Variants in SEMA6D observed in about 807,000 individuals in gnomAD.
The protein encoded by SEMA6D is semaphorin-6D.
SEMA6D carries 35 observed loss-of-function variants against 106.6 expected under a neutral mutation model. The observed-to-expected ratio is 0.33, with a 90% CI of 0.25 to 0.44. The LOEUF is 0.44. Ranked by LOEUF, SEMA6D falls within the 20% of genes least tolerant of loss-of-function variation. The probability of loss-of-function intolerance (pLI) is 1.00; values close to 1 mark genes in which losing one functional copy is unlikely to be tolerated. For synonymous variants in SEMA6D, 499 were observed against 487.7 expected (o/e 1.02, Z -0.31); for missense variants, 1,185 against 1,345.9 (o/e 0.88, Z 1.87).
intron 4 of SEMA6D, among the ~76,000 whole-genome samples, chr15:47,637,863 A>G: frequency 6.6e-6 from 1 of 152,140 alleles, no homozygotes; most frequent in East Asian, 1.9e-4. Flanking sequence ...AAAGTTAAGG[A>G]GCCACTTGAC....
chr15:47,393,465 C>T (rs569003590), intron 1 of SEMA6D: 1 of 152,348 alleles, frequency 6.6e-6, no homozygotes, highest in East Asian at 1.9e-4. Flanking sequence ...CTAAAAGCCT[C>T]ATTCCTACAA....
intron 1 of SEMA6D, among the ~76,000 whole-genome samples, chr15:47,353,199 A>T (rs145578559): frequency 2.0e-5 from 3 of 152,216 alleles, no homozygotes; most frequent in Non-Finnish European, 4.4e-5. Flanking sequence ...TATGATGGTG[A>T]ATTACACTGA....
intron 4 of SEMA6D, among the ~76,000 whole-genome samples, chr15:47,602,499 G>A (rs1173424073): frequency 3.3e-5 from 5 of 151,916 alleles, no homozygotes; most frequent in Admixed American, 2.6e-4. Context: ...ATGCTGGGAG[G>A]GGGGCTTGTG....
intron 4 of SEMA6D, among the ~76,000 whole-genome samples, chr15:47,625,892 TACGATCACTTTCATAATCCTA>T (rs1457797382): frequency 6.6e-6 from 1 of 152,110 alleles, no homozygotes; most frequent in Admixed American, 6.6e-5. Flanking sequence ...TGTATTCCAA[TACGATCACTTTCATAATCCTA>T]AAGTAACCAT....
chr15:47,330,848 G>A (rs1249326145), intron 1 of SEMA6D, among the ~76,000 whole-genome samples: 3 of 152,168 alleles, frequency 2.0e-5, no homozygotes, highest in Non-Finnish European at 4.4e-5. Context: ...ACAAGAGTGT[G>A]AGAGTCGCTG....
rs958746366 is a variant in SEMA6D at position 47,559,461 on chromosome 15, C to T, written c.-86-41404C>T. 3.9e-5 allele frequency among the ~76,000 whole-genome samples: 6 copies of T among 152,060 alleles called. No individual in the cohort carries two copies. The East Asian group carries it at 1.2e-3, about 29-fold the overall frequency. On this transcript the variant is annotated intron_variant, in intron 3 of 19. Coordinates refer to the SEMA6D transcript ENST00000558014. Reference sequence around the variant, plus strand: ...CCCATCTCCCTCTCAGCTTTCTTAGCTCATGAAAACAAACAGCCCTGCTAC... The same window carrying T: ...CCCATCTCCCTCTCAGCTTTCTTAGTTCATGAAAACAAACAGCCCTGCTAC...
chr15:47,766,399 G>GA (rs1269314865), intron 15 of SEMA6D, among the ~76,000 whole-genome samples: 5 of 151,622 alleles, frequency 3.3e-5, no homozygotes, highest in Non-Finnish European at 7.4e-5. Flanking sequence ...TGGATGGAGA[G>GA]AAAAAACCAA....
chr15:47,586,879 A>G (rs1394141734), intron 3 of SEMA6D, among the ~76,000 whole-genome samples: 1 of 132,068 alleles, frequency 7.6e-6, no homozygotes, highest in Non-Finnish European at 1.6e-5. Context: ...TCAAAATGAA[A>G]TTTGACAGGT....
intron 1 of SEMA6D, among the ~76,000 whole-genome samples, chr15:47,307,103 A>G (rs2036262155): frequency 6.6e-6 from 1 of 152,208 alleles, no homozygotes; most frequent in South Asian, 2.1e-4. Flanking sequence ...TAATGGGGAT[A>G]ATAATAGCAT....
chr15:47,741,710 A>T (rs612007), intron 1 of SEMA6D, among the ~76,000 whole-genome samples: 1 of 151,836 alleles, frequency 6.6e-6, no homozygotes, highest in Non-Finnish European at 1.5e-5. Flanking sequence ...GCAAAACTCC[A>T]TCTAAAAAAA....
At chr15:47,305,624 AT>A (rs2036203101) in intron 1 of SEMA6D, among the ~76,000 whole-genome samples, 1 of 152,220 alleles carries the variant, frequency 6.6e-6, no homozygotes, top group Non-Finnish European at 1.5e-5. Context: ...ATTAAGTAGA[AT>A]TAGTTTAAGG....
At chr15:47,538,709 A>C (rs1289671351) in intron 3 of SEMA6D, among the ~76,000 whole-genome samples, 1 of 152,210 alleles carries the variant, frequency 6.6e-6, no homozygotes, top group African/African-American at 2.4e-5. Flanking sequence ...GTTCTAAAAA[A>C]ATAAGTCTTT....
chr15:47,227,975 T>A (rs894155797), intron 1 of SEMA6D, among the ~76,000 whole-genome samples: 4 of 141,848 alleles, frequency 2.8e-5, no homozygotes, highest in Admixed American at 7.3e-5. Context: ...TATATATATT[T>A]TATATATATA....
intron 3 of SEMA6D, among the ~76,000 whole-genome samples, chr15:47,541,402 C>T (rs1421110230): frequency 6.6e-6 from 1 of 152,146 alleles, no homozygotes; most frequent in Non-Finnish European, 1.5e-5. Flanking sequence ...AAATAAAAAA[C>T]TTTCATGCCC....
chr15:47,609,147 C>T (rs942633366), intron 4 of SEMA6D, among the ~76,000 whole-genome samples: 3 of 152,172 alleles, frequency 2.0e-5, no homozygotes, highest in African/African-American at 4.8e-5. Flanking sequence ...TGCCATAACA[C>T]GGATTGTGTA....
At chr15:47,334,216 T>G (rs889229696) in intron 1 of SEMA6D, among the ~76,000 whole-genome samples, 12 of 152,154 alleles carry the variant, frequency 7.9e-5, no homozygotes, top group African/African-American at 2.9e-4. Flanking sequence ...TCCACGCCCC[T>G]TCCCACATAG....
intron 4 of SEMA6D, among the ~76,000 whole-genome samples, chr15:47,650,450 C>G (rs771692297): frequency 4.6e-4 from 70 of 152,130 alleles, no homozygotes; most frequent in Non-Finnish European, 9.9e-4. Flanking sequence ...TAAAGATGCT[C>G]TATATAAATA....
chr15:47,612,221 G>A (rs1166396064), intron 4 of SEMA6D, among the ~76,000 whole-genome samples: 1 of 152,144 alleles, frequency 6.6e-6, no homozygotes, highest in Non-Finnish European at 1.5e-5. Flanking sequence ...TGCATGTTTG[G>A]ATTTGTAATT....
At chr15:47,580,659 T>G (rs2076240058) in intron 3 of SEMA6D, among the ~76,000 whole-genome samples, 1 of 152,146 alleles carries the variant, frequency 6.6e-6, no homozygotes, top group Non-Finnish European at 1.5e-5. Flanking sequence ...AATTATTGAT[T>G]AAAAGCCCAC....
Sources: allele counts gnomAD v4.1 joint callset (sites outside exome capture counted in the v4.1 genomes callset), GRCh38; gene constraint gnomAD v4.1.1; transcripts MANE v1.5; gene names NCBI Gene and HGNC (gene_info 2026-07-23, HGNC 2026-07-21).